Variants in CHAF1B observed in about 807,000 individuals in gnomAD.
The protein encoded by CHAF1B is CAF-1 subunit B.
A neutral mutation model predicts 60.7 loss-of-function variants in CHAF1B; 10 were observed. That is an observed-to-expected ratio of 0.16 (90% CI 0.10 to 0.28). CHAF1B has a LOEUF of 0.28. Ranked by LOEUF, CHAF1B falls within the 10% of genes least tolerant of loss-of-function variation. CHAF1B has a pLI of 1.00. For synonymous variants in CHAF1B, 261 were observed against 266.1 expected (o/e 0.98, Z 0.19); for missense variants, 558 against 708.4 (o/e 0.79, Z 2.41).
At chr21:36,394,526 C>G (rs1285470458) in intron 4 of CHAF1B, 21 bp from the exon 5 acceptor site, 25 of 1,573,594 alleles carry the variant, frequency 1.6e-5, no homozygotes, top group African/African-American at 2.7e-5. Flanking sequence ...TGCTTTTTTC[C>G]TCTTTGTTTT....
At chr21:36,415,795 C>T in intron 13 of CHAF1B, 1 of 400,692 alleles carries the variant, frequency 2.5e-6, no homozygotes, top group South Asian at 1.9e-5. Context: ...CTCTGTCGCC[C>T]AGGCTGGAAT....
rs2086319025 is a variant in CHAF1B, at chr21:36,416,322, A to G, written c.1636A>G (p.Arg546Gly). 1 of 1,614,114 alleles carries G rather than the reference A, an allele frequency of 6.2e-7. No homozygotes were observed. The highest frequency in any genetic ancestry group is 8.5e-7 in the Non-Finnish European group (1 of 1,179,998). ...QGSPPELKRP[R>G]LDENKGGTES... ...CAGTCCCCCAGAGCTAAAGCGGCCC[A>G]GACTCGATGAAAACAAAGGAGGCAC... The change falls in exon 14 of 14, where the codon AGA becomes GGA. Residue 546 changes from arginine to glycine, a missense_variant. Physicochemically the swap from Arg to Gly is moderately radical, Grantham distance 125 (BLOSUM62 -2). Around this residue, in one of 2 missense-constraint regions of CHAF1B, gnomAD observed 233 missense variants for 214.9 expected, o/e 1.08. Coordinates refer to ENST00000314103, the MANE Select transcript of CHAF1B (RefSeq NM_005441.3).
intron 8 of CHAF1B, among the ~76,000 whole-genome samples, chr21:36,404,132 C>T (rs1057101100): frequency 6.8e-6 from 1 of 146,846 alleles, no homozygotes; most frequent in Non-Finnish European, 1.5e-5. Flanking sequence ...TGAGTTTTGC[C>T]CTGTTGCCCA....
chr21:36,390,571 G>T lies in CHAF1B; in HGVS notation c.260-980G>T, dbSNP rs914613639. Among the ~76,000 whole-genome samples the T allele has an allele frequency of 3.9e-5, 6 of 152,226 alleles. No homozygotes were observed. In the South Asian group the frequency reaches 6.2e-4, roughly 16 times the overall value. ...TATTAATAGCTGACACTTACATGGG[G>T]CTTACTATCTGCCAGCCATTGTGTT... On this transcript the variant is annotated intron_variant, in intron 3 of 13. Transcript: ENST00000314103.
chr21:36,405,327 A>G (rs10483033), intron 8 of CHAF1B, among the ~76,000 whole-genome samples: 5,019 of 152,282 alleles, frequency 0.033, 249 homozygotes, highest in African/African-American at 0.11. Flanking sequence ...AAAAATTCCT[A>G]TCTTTCGTCT....
chr21:36,397,221 G>A (rs1355765766), intron 5 of CHAF1B, among the ~76,000 whole-genome samples, 194 bp from the exon 6 acceptor site: 1 of 152,164 alleles, frequency 6.6e-6, no homozygotes, highest in Non-Finnish European at 1.5e-5. Flanking sequence ...GGCTCCCTGA[G>A]GGTGGGGACT....
intron 5 of CHAF1B, among the ~76,000 whole-genome samples, chr21:36,396,701 CTT>C (rs1022133729): frequency 6.6e-6 from 1 of 151,908 alleles, no homozygotes; most frequent in Non-Finnish European, 1.5e-5. Flanking sequence ...TCATAACTCT[CTT>C]GTCTTTTTAT....
At chr21:36,391,100 T>C (rs2086082890) in intron 3 of CHAF1B, among the ~76,000 whole-genome samples, 1 of 152,232 alleles carries the variant, frequency 6.6e-6, no homozygotes, top group South Asian at 2.1e-4. Context: ...TTATAGGTTA[T>C]GCCTTCAGAT....
At chr21:36,388,944 C>T (rs1320253167) in intron 3 of CHAF1B, 1 of 152,246 alleles carries the variant, frequency 6.6e-6, no homozygotes, top group Non-Finnish European at 1.5e-5. Flanking sequence ...TGAAAAGCAC[C>T]TAAGCTGCCA....
intron 4 of CHAF1B, among the ~76,000 whole-genome samples, chr21:36,393,604 A>C (rs1371535751): frequency 6.6e-6 from 1 of 151,666 alleles, no homozygotes; most frequent in East Asian, 2.0e-4. Flanking sequence ...GGCCTGCACC[A>C]CTATGCCCAG....
intron 7 of CHAF1B, among the ~76,000 whole-genome samples, chr21:36,400,334 C>T (rs2086177149): frequency 6.6e-6 from 1 of 150,914 alleles, no homozygotes; most frequent in South Asian, 2.1e-4. Flanking sequence ...ATAAAATTAG[C>T]CGGGTGCATG....
chr21:36,404,892 T>C (rs898510395), intron 8 of CHAF1B, among the ~76,000 whole-genome samples: 3 of 151,472 alleles, frequency 2.0e-5, no homozygotes, highest in Non-Finnish European at 4.4e-5. Flanking sequence ...TACAGGCGCC[T>C]GCCACCACAA....
In CHAF1B at chr21:36,387,231, T is replaced by G. The variant is rs182667174; in HGVS notation, c.127-367T>G. ...GAAAATAAGCATAGTTTTGTTTTTT[T>G]TTTTTTTTTGAGACAGGGTCTTACT... On this transcript the variant is annotated intron_variant, in intron 2 of 13. Transcript: ENST00000314103. Among the ~76,000 whole-genome samples the G allele has an allele frequency of 6.0e-4, 90 of 151,234 alleles. 1 individual carries two copies. In the East Asian group the frequency reaches 0.013, roughly 21 times the overall value.
intron 9 of CHAF1B, 38 bp from the exon 10 acceptor site, chr21:36,409,336 C>G: frequency 6.5e-7 from 1 of 1,535,090 alleles, no homozygotes; most frequent in Non-Finnish European, 9.0e-7. Flanking sequence ...TTTGCTTAGT[C>G]ACAGTGCCTT....
At chr21:36,415,915 G>C (rs2086315703) in intron 13 of CHAF1B, 1 of 319,312 alleles carries the variant, frequency 3.1e-6, no homozygotes, top group Non-Finnish European at 6.1e-6. Flanking sequence ...ATCACACCCG[G>C]GTAATTTTTG....
intron 3 of CHAF1B, among the ~76,000 whole-genome samples, chr21:36,390,585 A>G (rs1318688011): frequency 1.3e-5 from 2 of 152,186 alleles, no homozygotes; most frequent in Non-Finnish European, 2.9e-5. Context: ...ACTATCTGCC[A>G]GCCATTGTGT....
rs930967534 is a variant in CHAF1B at position 36,406,937 on chromosome 21, A to G, written c.758-1824A>G. Among the ~76,000 whole-genome samples the G allele has an allele frequency of 2.0e-4, 30 of 152,172 alleles. 1 individual carries two copies. Among genetic ancestry groups the G allele is most frequent in the Non-Finnish European group, 4.4e-5 (3 of 68,030 alleles). ...CCAGGTGAATTCAGTACTTAAACAC[A>G]AAAGGTAAAAATAGAAAACTCTTGT... is the stretch of plus-strand genomic sequence containing the variant. On this transcript the variant is annotated intron_variant, in intron 8 of 13. Transcript: ENST00000314103.
rs377157345 is a variant in CHAF1B, at chr21:36,387,744, T to G, written c.259+14T>G. ...CGGGAGGAGATGGTGAGTATTGCTG[T>G]CCTTCAGAGATTCTTCGGGAACCAG... On this transcript the variant is annotated intron_variant, in intron 3 of 13. Transcript: ENST00000314103. The G allele has an allele frequency of 4.3e-6, 7 of 1,613,704 alleles. No homozygotes were observed. The African/African-American group carries it at 9.3e-5, about 22-fold the overall frequency.
At chr21:36,411,424 T>C in intron 10 of CHAF1B, 39 bp from the exon 11 acceptor site, 2 of 1,610,366 alleles carry the variant, frequency 1.2e-6, no homozygotes, top group Non-Finnish European at 1.7e-6. Flanking sequence ...AGAAGCCTTG[T>C]TTCTGTGGTT....
Sources: gnomAD v4.1 joint callset for allele counts (sites outside exome capture counted in the v4.1 genomes callset) on GRCh38, gnomAD v4.1.1 for gene constraint, gnomAD v4.1.1 regional missense constraint, MANE v1.5 for transcripts, NCBI Gene and HGNC (gene_info 2026-07-23, HGNC 2026-07-21) for gene names.